The following MYH11 variants were observed in gnomAD, a reference collection of about 807,000 sequenced individuals.
MYH11 encodes the protein myosin heavy chain 11.
A neutral mutation model predicts 246.6 loss-of-function variants in MYH11; 80 were observed. The ratio of observed to expected loss-of-function variants is 0.32; its 90% CI spans 0.27 to 0.39. The LOEUF (loss-of-function observed/expected upper bound fraction) is 0.39, where lower values mean the gene tolerates loss of function less well. MYH11 is among the 10% of genes least tolerant of loss of function. The probability of loss-of-function intolerance (pLI) is 1.00; values close to 1 mark genes in which losing one functional copy is unlikely to be tolerated. For missense variants in MYH11, 2,158 were observed against 2,546.8 expected (o/e 0.85, Z 3.29); for synonymous variants, 1,071 against 1,015.5 (o/e 1.05, Z -1.04).
intron 4 of MYH11, among the ~76,000 whole-genome samples, chr16:15,789,645 C>T (rs1485092653): frequency 2.0e-5 from 3 of 152,198 alleles, no homozygotes; most frequent in Non-Finnish European, 4.4e-5. Context: ...TTCCAGGAGG[C>T]TTTACTTGCC....
At chr16:15,798,931 T>C (rs193275111) in intron 3 of MYH11, among the ~76,000 whole-genome samples, 3 of 151,988 alleles carry the variant, frequency 2.0e-5, no homozygotes, top group Non-Finnish European at 4.4e-5. Flanking sequence ...GATCCAGGAG[T>C]CATTAGCATC....
chr16:15,717,446 G>T, intron 37 of MYH11, 98 bp from the exon 38 acceptor site: 1 of 1,286,748 alleles, frequency 7.8e-7, no homozygotes, highest in Non-Finnish European at 1.1e-6. Context: ...CTCTGCACGA[G>T]TCCCTTGATC....
chr16:15,754,238 T>A (rs527702116), intron 14 of MYH11, among the ~76,000 whole-genome samples: 17 of 151,754 alleles, frequency 1.1e-4, no homozygotes, highest in East Asian at 3.9e-4. Context: ...ATAAATAAAT[T>A]AATTAAGCAT....
chr16:15,712,869 C>T (rs2039883479), intron 40 of MYH11: 1 of 96,804 alleles, frequency 1.0e-5, no homozygotes, highest in East Asian at 3.8e-4. Flanking sequence ...GAACCAGCAA[C>T]TCTTCACATA....
chr16:15,747,049 C>T (rs2041435518), intron 19 of MYH11, among the ~76,000 whole-genome samples: 1 of 151,784 alleles, frequency 6.6e-6, no homozygotes, highest in African/African-American at 2.4e-5. Flanking sequence ...GACTGCGCCA[C>T]TGCACTCCAG....
chr16:15,791,025 G>A (rs1229455855), intron 4 of MYH11: 2 of 146,644 alleles, frequency 1.4e-5, no homozygotes, highest in Non-Finnish European at 3.0e-5. Context: ...GTGTGATGGC[G>A]GCTCACTGCA....
At chr16:15,741,416 G>T in intron 22 of MYH11, 47 bp downstream of exon 22, 1 of 1,585,744 alleles carries the variant, frequency 6.3e-7, no homozygotes, top group Non-Finnish European at 8.6e-7. Flanking sequence ...TGTGGTGAGG[G>T]TCAAGTGATT....
intron 15 of MYH11, among the ~76,000 whole-genome samples, chr16:15,752,848 C>T (rs1012775723): frequency 1.3e-5 from 2 of 152,200 alleles, no homozygotes; most frequent in African/African-American, 4.8e-5. Context: ...CACCGCCCTC[C>T]AGCCTGGGTG....
chr16:15,834,041 G>A (rs1450596860), intron 2 of MYH11, among the ~76,000 whole-genome samples: 1 of 152,156 alleles, frequency 6.6e-6, no homozygotes, highest in Non-Finnish European at 1.5e-5. Flanking sequence ...GCTGTCAGAA[G>A]ATATTTTGGG....
chr16:15,782,242 G>C (rs1387677026), intron 6 of MYH11, 143 bp downstream of exon 6: 1 of 722,104 alleles, frequency 1.4e-6, no homozygotes, highest in Non-Finnish European at 2.5e-6. Context: ...GTGAGAGGCA[G>C]GAGCCCTTGC....
chr16:15,729,445 C>A (rs1302735148), intron 27 of MYH11, among the ~76,000 whole-genome samples: 1 of 152,158 alleles, frequency 6.6e-6, no homozygotes, highest in South Asian at 2.1e-4. Flanking sequence ...CCCAAAGAGG[C>A]CTGGCTGGGA....
chr16:15,737,465 G>A lies in MYH11; in HGVS notation c.3277C>T (p.Gln1093Ter), dbSNP rs2151244040. ...CCCCGCTACCTGGCCAGGGCCGCCT[G>A]CAGCTCCTCCTCCTTCTTGGCCAGC... ...MQLAKKEEEL[Q>*]AALARLDDEI... The change falls in exon 25 of 41, where the codon CAG becomes TAG. Residue 1093 changes from glutamine to a stop codon, truncating the protein, a stop_gained. Transcript: ENST00000300036. LOFTEE classifies it high-confidence loss of function. 6.2e-7 allele frequency: 1 copy of A among 1,613,144 alleles called. No homozygotes were observed.
chr16:15,712,146 G>C (rs1027604537), intron 40 of MYH11, among the ~76,000 whole-genome samples: 1 of 152,240 alleles, frequency 6.6e-6, no homozygotes, highest in African/African-American at 2.4e-5. Flanking sequence ...AGAGGAGCCA[G>C]TTTGGGGGTG....
At position 15,737,635 on chromosome 16, in the gene MYH11, G is replaced by T. The variant is rs2151244398; in HGVS notation, c.3122-15C>A. Reference sequence around the variant, plus strand: ...CTTTAGCCGCACTGCAAAAACCAAGGTGCTCTTCAGGAAGGGGAGGCCCCA... The same window carrying T: ...CTTTAGCCGCACTGCAAAAACCAAGTTGCTCTTCAGGAAGGGGAGGCCCCA... On this transcript the variant is annotated splice_polypyrimidine_tract_variant and intron_variant, in intron 24 of 40. Transcript: ENST00000300036. 6.2e-7 allele frequency: 1 copy of T among 1,609,828 alleles called. No homozygotes were observed. The highest frequency in any genetic ancestry group is 2.2e-5 in the East Asian group (1 of 44,864).
intron 3 of MYH11, among the ~76,000 whole-genome samples, chr16:15,819,267 T>C (rs2043341578): frequency 6.6e-6 from 1 of 152,226 alleles, no homozygotes. Context: ...TGTTAAAACC[T>C]AGAGACCATG....
At chr16:15,784,844 A>T (rs113646446) in intron 5 of MYH11, 4 of 1,005,552 alleles carry the variant, frequency 4.0e-6, no homozygotes, top group South Asian at 1.4e-5. Flanking sequence ...CAGACTGGTC[A>T]GCTCCTTTTC....
At chr16:15,766,255 G>A (rs1427969154) in intron 9 of MYH11, among the ~76,000 whole-genome samples, 1 of 152,124 alleles carries the variant, frequency 6.6e-6, no homozygotes, top group African/African-American at 2.4e-5. Flanking sequence ...CATTGCCACA[G>A]GGGATATAAG....
intron 27 of MYH11, among the ~76,000 whole-genome samples, chr16:15,729,443 G>C (rs1028184068): frequency 1.3e-5 from 2 of 152,132 alleles, no homozygotes; most frequent in Admixed American, 1.3e-4. Context: ...TTCCCAAAGA[G>C]GCCTGGCTGG....
At chr16:15,844,637 C>T (rs1220927121) in intron 1 of MYH11, among the ~76,000 whole-genome samples, 1 of 152,162 alleles carries the variant, frequency 6.6e-6, no homozygotes, top group Non-Finnish European at 1.5e-5. Flanking sequence ...AGGAGGATTG[C>T]TTGAGCCCAG....
Sources: gnomAD v4.1 joint callset for allele counts (sites outside exome capture counted in the v4.1 genomes callset) on GRCh38, gnomAD v4.1.1 for gene constraint, MANE v1.5 for transcripts, NCBI Gene and HGNC (gene_info 2026-07-23, HGNC 2026-07-21) for gene names.